TFRC: variants seen among roughly 807,000 people sequenced by gnomAD.
TFRC encodes transferrin receptor protein 1.
A neutral mutation model predicts 85.8 loss-of-function variants in TFRC; 35 were observed. That is an observed-to-expected ratio of 0.41 (90% CI 0.31 to 0.54). TFRC has a LOEUF of 0.54. Among genes scored for constraint, TFRC ranks in the 20% least tolerant of loss-of-function variants. TFRC has a pLI of 0.31. For missense variants in TFRC, 828 were observed against 921.5 expected (o/e 0.90, Z 1.31); for synonymous variants, 362 against 328.6 (o/e 1.10, Z -1.10).
intron 9 of TFRC, among the ~76,000 whole-genome samples, chr3:196,066,025 C>CA (rs1453310747): frequency 1.4e-4 from 21 of 149,732 alleles, no homozygotes; most frequent in Admixed American, 1.4e-3. Flanking sequence ...AAAATAAAAA[C>CA]AAAAAAAAAC....
At chr3:196,057,480 A>C (rs1716896274) in intron 16 of TFRC, among the ~76,000 whole-genome samples, 1 of 152,140 alleles carries the variant, frequency 6.6e-6, no homozygotes, top group Admixed American at 6.5e-5. Flanking sequence ...CAGCCAAATA[A>C]AGCCCTTCCT....
chr3:196,051,976 G>T lies in TFRC; in HGVS notation c.2249C>A (p.Ser750Tyr), dbSNP rs779200410. The T allele has an allele frequency of 6.2e-7, 1 of 1,614,212 alleles. No individual in the cohort carries two copies. Among genetic ancestry groups the T allele is most frequent in the South Asian group, 1.1e-5 (1 of 91,082 alleles). Residue 750 changes from serine (S) to tyrosine (Y), a missense_variant, in exon 19 of 19, where the codon TCT becomes TAT. Ser to Tyr is a moderately radical substitution (Grantham distance 144). Coordinates refer to ENST00000360110, the MANE Select transcript of TFRC (RefSeq NM_001128148.3). ...ATTGTCAATGTCCCAAACGTCACCA[G>T]AGAGGGCATTTGCAGCTCCCTGAAT... ...WTIQGAANAL[S>Y]GDVWDIDNEF
At chr3:196,058,100 T>C (rs1292877787) in intron 16 of TFRC, 184 bp downstream of exon 16, 1 of 471,112 alleles carries the variant, frequency 2.1e-6, no homozygotes, top group East Asian at 3.5e-5. Flanking sequence ...CAAGAATAAT[T>C]ACCTCAAAGT....
At chr3:196,074,841 T>C (rs1560089124) in intron 3 of TFRC, among the ~76,000 whole-genome samples, 3 of 140,532 alleles carry the variant, frequency 2.1e-5, no homozygotes, top group Non-Finnish European at 4.5e-5. Flanking sequence ...ATCACGCCAC[T>C]GCACTCCAGC....
intron 6 of TFRC, 55 bp downstream of exon 6, chr3:196,071,341 G>C: frequency 2.0e-6 from 3 of 1,463,850 alleles, no homozygotes; most frequent in Non-Finnish European, 2.9e-6. Flanking sequence ...CAGAAAAGAT[G>C]AGTTTTGAAT....
In TFRC at chr3:196,051,756, T is replaced by A. The variant is rs1716327197; in HGVS notation, c.*186A>T. The A allele has an allele frequency of 1.6e-6, 1 of 606,842 alleles. No individual in the cohort carries two copies. The highest frequency in any genetic ancestry group is 1.9e-5 in the African/African-American group (1 of 53,932). 37.6% of individuals were successfully genotyped at this position (606,842 alleles called of 1,614,324 possible). A position where few individuals can be genotyped will look rare whatever the true frequency, so the allele number is the denominator to read the frequency against. ...ACATTTTTTAAGTGGTTATTCACTT[T>A]AACTTGAAGTACAGGTTATCTACCC... On this transcript the variant is annotated 3_prime_UTR_variant, in exon 19 of 19. Coordinates refer to ENST00000360110, the MANE Select transcript of TFRC (RefSeq NM_001128148.3).
At chr3:196,066,008 A>AC (rs1397613955) in intron 9 of TFRC, among the ~76,000 whole-genome samples, 1 of 151,432 alleles carries the variant, frequency 6.6e-6, no homozygotes, top group African/African-American at 2.4e-5. Flanking sequence ...ACAAAACAAA[A>AC]CAAAACAAAA....
rs1468034466 is a variant in TFRC, at chr3:196,074,028, T to C, written c.336A>G (p.Pro112=). The C allele has an allele frequency of 6.2e-7, 1 of 1,614,180 alleles. No homozygotes were observed. Among genetic ancestry groups the C allele is most frequent in the Non-Finnish European group, 8.5e-7 (1 of 1,180,032 alleles). ...GACGTGCTGCAGGGAAGTCCTCTCC[T>C]GGCTCCTCCCTCACTGGAGACTCGG... ...AGTESPVREE[P]GEDFPAARRL... is the part of the protein sequence containing the mutation. The change falls in exon 4 of 19, where the codon CCA becomes CCG. Residue 112 remains proline, a synonymous_variant. Transcript: ENST00000360110.
rs748271958 is a variant in TFRC, at chr3:196,075,152, T to C, written c.238+7A>G. 3.1e-6 allele frequency: 5 copies of C among 1,613,386 alleles called. No individual in the cohort carries two copies. The East Asian group carries it at 1.1e-4, about 36-fold the overall frequency. On this transcript the variant is annotated splice_region_variant and intron_variant, in intron 3 of 18. Coordinates refer to ENST00000360110, the MANE Select transcript of TFRC (RefSeq NM_001128148.3). Reference sequence around the variant, plus strand: ...AAAACATTGAAGTTTGGAATGGTCATTCTCACCAATCAAGAAAAAGACGAT... The same window carrying C: ...AAAACATTGAAGTTTGGAATGGTCACTCTCACCAATCAAGAAAAAGACGAT...
rs533194325 is a variant in TFRC at position 196,079,616 on chromosome 3, A to AAAAT, written c.-24+2423_-24+2426dup. 3.5e-3 allele frequency among the ~76,000 whole-genome samples: 528 copies of AAAAT among 152,296 alleles called. 1 individual carries two copies. Among genetic ancestry groups the AAAAT allele is most frequent in the African/African-American group, 0.012 (479 of 41,540 alleles). ...GGGCAACAAGCGTGAAACTCTGTCA[A>AAAAT]AAATAAATAAATAAATAATAATCTA... On this transcript the variant is annotated intron_variant, in intron 1 of 18. Transcript: ENST00000360110.
chr3:196,053,333 A>G, intron 18 of TFRC, 85 bp downstream of exon 18: 1 of 1,476,420 alleles, frequency 6.8e-7, no homozygotes, highest in South Asian at 1.2e-5. Flanking sequence ...CTAGACTCCT[A>G]GAGTTTGTCC....
At chr3:196,076,958 T>C (rs773039782) in intron 2 of TFRC, 106 bp downstream of exon 2, 3 of 1,038,140 alleles carry the variant, frequency 2.9e-6, no homozygotes, top group Non-Finnish European at 4.4e-6. Context: ...TGTAAATGAA[T>C]ACCTGATAAT....
At chr3:196,075,105 G>T in intron 3 of TFRC, 54 bp downstream of exon 3, 2 of 1,239,322 alleles carry the variant, frequency 1.6e-6, no homozygotes, top group Non-Finnish European at 2.4e-6. Flanking sequence ...TGACATAACA[G>T]ACTTCCCAGA....
At position 196,057,698 on chromosome 3, in the gene TFRC, AG is replaced by A. The variant is rs1442223666; in HGVS notation, c.1677+585del. On this transcript the variant is annotated intron_variant, in intron 16 of 18. Coordinates refer to ENST00000360110, the MANE Select transcript of TFRC (RefSeq NM_001128148.3). ...ATAATCCAAACAGTTTGGAGGCTGA[AG>A]GGGGAGGACTGCTTGAGGCTGCAGT... 4.0e-5 allele frequency among the ~76,000 whole-genome samples: 6 copies of A among 149,338 alleles called. No individual in the cohort carries two copies. In the East Asian group the frequency reaches 1.2e-3, roughly 30 times the overall value.
chr3:196,054,957 C>T, intron 17 of TFRC, 123 bp downstream of exon 17: 1 of 961,902 alleles, frequency 1.0e-6, no homozygotes, highest in South Asian at 1.5e-5. Context: ...AATTATACCT[C>T]AGTTCACTTT....
At chr3:196,058,716 ATTT>A in intron 14 of TFRC, 84 bp from the exon 15 acceptor site, 1 of 872,104 alleles carries the variant, frequency 1.1e-6, no homozygotes, top group South Asian at 2.1e-5. Flanking sequence ...CTCTATAACA[ATTT>A]TTAAATAAAA....
chr3:196,080,379 C>G (rs985059649), intron 1 of TFRC, among the ~76,000 whole-genome samples: 2 of 152,244 alleles, frequency 1.3e-5, no homozygotes, highest in African/African-American at 4.8e-5. Flanking sequence ...GCTGGAATTA[C>G]AGACGTGAGC....
At chr3:196,080,255 C>A (rs191687725) in intron 1 of TFRC, among the ~76,000 whole-genome samples, 1 of 152,346 alleles carries the variant, frequency 6.6e-6, no homozygotes, top group East Asian at 1.9e-4. Context: ...AGGTGTGCAC[C>A]ACCATGCCCA....
At chr3:196,073,630 GGTTA>G (rs1718414710) in intron 4 of TFRC, among the ~76,000 whole-genome samples, 1 of 152,110 alleles carries the variant, frequency 6.6e-6, no homozygotes, top group South Asian at 2.1e-4. Context: ...CGTTACAAGA[GGTTA>G]AGAAGAAAAA....
Sources: allele counts gnomAD v4.1 joint callset (sites outside exome capture counted in the v4.1 genomes callset), GRCh38; gene constraint gnomAD v4.1.1; transcripts MANE v1.5; gene names NCBI Gene and HGNC (gene_info 2026-07-23, HGNC 2026-07-21).